The following LNPEP variants were observed in gnomAD, a reference collection of about 807,000 sequenced individuals.
The protein encoded by LNPEP is leucyl-cystinyl aminopeptidase.
Under a neutral mutation model 120.6 loss-of-function variants are expected in LNPEP, and 64 were observed. That is an observed-to-expected ratio of 0.53 (90% CI 0.43 to 0.65). The LOEUF is 0.65. Among genes scored for constraint, LNPEP ranks in the 30% least tolerant of loss-of-function variants. LNPEP has a pLI of 0.00. For missense variants in LNPEP, 1,057 were observed against 1,200.0 expected (o/e 0.88, Z 1.76); for synonymous variants, 435 against 425.4 (o/e 1.02, Z -0.28).
At chr5:96,994,444 A>G (rs1582012763) in intron 6 of LNPEP, among the ~76,000 whole-genome samples, 1 of 150,010 alleles carries the variant, frequency 6.7e-6, no homozygotes, top group African/African-American at 2.5e-5. Context: ...TGACAACTCA[A>G]ACTGTAGCTG....
intron 1 of LNPEP, among the ~76,000 whole-genome samples, chr5:96,945,967 CAGAA>C (rs542823245): frequency 1.5e-3 from 235 of 152,260 alleles, no homozygotes; most frequent in Non-Finnish European, 2.7e-3. Context: ...GCTTTGAAGA[CAGAA>C]AGAATGTAAT....
chr5:96,947,181 TA>T (rs1449138816), intron 1 of LNPEP, among the ~76,000 whole-genome samples: 1 of 152,202 alleles, frequency 6.6e-6, no homozygotes, highest in Admixed American at 6.5e-5. Context: ...TAAATTACTT[TA>T]TATTGCTAAA....
At chr5:96,980,103 ATAG>A in intron 2 of LNPEP, 125 bp downstream of exon 2, 1 of 845,092 alleles carries the variant, frequency 1.2e-6, no homozygotes, top group South Asian at 1.9e-5. Flanking sequence ...TATATACAAA[ATAG>A]TAGAATGGTG....
At chr5:96,939,854 A>G (rs1011464375) in intron 1 of LNPEP, among the ~76,000 whole-genome samples, 2 of 152,120 alleles carry the variant, frequency 1.3e-5, no homozygotes, top group Admixed American at 6.5e-5. Context: ...CAATTGTTCT[A>G]TAGATATGTG....
intron 1 of LNPEP, among the ~76,000 whole-genome samples, chr5:96,954,723 CATATATATATACATATATATATACACAT>C (rs1561430097): frequency 2.3e-5 from 2 of 85,508 alleles, no homozygotes; most frequent in East Asian, 6.4e-4. Flanking sequence ...CATATATATA[CATATATATATACATATATATATACACAT>C]ATATATATAT....
At chr5:96,957,268 C>T (rs59734450) in intron 1 of LNPEP, among the ~76,000 whole-genome samples, 3 of 152,268 alleles carry the variant, frequency 2.0e-5, no homozygotes, top group East Asian at 3.9e-4. Flanking sequence ...CTGGCGATCA[C>T]CCTGCTCAGG....
chr5:96,990,532 T>A (rs1254622818), intron 4 of LNPEP, among the ~76,000 whole-genome samples: 1 of 152,196 alleles, frequency 6.6e-6, no homozygotes, highest in Non-Finnish European at 1.5e-5. Context: ...AGTCTATTTG[T>A]AATAACAATA....
rs1278954425 is a variant in LNPEP, at chr5:97,034,943, C to G, written c.*6410C>G. Reference sequence around the variant, plus strand: ...GTGTATATGTGTGTGTATATACACACAAGAACACACATATTTATATACTAT... The same window carrying G: ...GTGTATATGTGTGTGTATATACACAGAAGAACACACATATTTATATACTAT... On this transcript the variant is annotated 3_prime_UTR_variant, in exon 18 of 18. Transcript: ENST00000231368. 1 of 151,804 alleles carries G rather than the reference C, an allele frequency of 6.6e-6. No homozygotes were observed. Among genetic ancestry groups the G allele is most frequent in the Non-Finnish European group, 1.5e-5 (1 of 67,932 alleles). The allele number at this position is 151,804 out of a possible 1,614,324, so 9.4% of individuals were successfully genotyped here. A position where few individuals can be genotyped will look rare whatever the true frequency, so the allele number is the denominator to read the frequency against.
intron 8 of LNPEP, among the ~76,000 whole-genome samples, chr5:97,000,740 T>C (rs1047896445): frequency 2.0e-5 from 3 of 152,236 alleles, no homozygotes; most frequent in Non-Finnish European, 2.9e-5. Context: ...ATCTTTTTTC[T>C]TAGCTGATTT....
At chr5:96,973,298 C>G (rs1789912625) in intron 1 of LNPEP, among the ~76,000 whole-genome samples, 1 of 151,566 alleles carries the variant, frequency 6.6e-6, no homozygotes, top group South Asian at 2.1e-4. Context: ...TTTTTTTGTT[C>G]TAAATTCTAG....
chr5:97,007,885 C>T (rs771677203), intron 11 of LNPEP, among the ~76,000 whole-genome samples: 1 of 152,032 alleles, frequency 6.6e-6, no homozygotes, highest in Non-Finnish European at 1.5e-5. Context: ...ACCAAATCGC[C>T]CTTTTTATTG....
intron 1 of LNPEP, among the ~76,000 whole-genome samples, chr5:96,940,197 G>A (rs754218705): frequency 2.0e-5 from 3 of 152,086 alleles, no homozygotes; most frequent in African/African-American, 7.2e-5. Context: ...TTACTTGCCA[G>A]TTTCCAAAAA....
rs1011404152 is a variant in LNPEP at position 97,033,044 on chromosome 5, T to C, written c.*4511T>C. ...TTTTCCTTACTGCCTATTTAGGCAATAGCTAATAGAGTAGTTTGTTTTGTT... is the reference window on the plus strand; with the variant it reads ...TTTTCCTTACTGCCTATTTAGGCAACAGCTAATAGAGTAGTTTGTTTTGTT... On this transcript the variant is annotated 3_prime_UTR_variant, in exon 18 of 18. Transcript: ENST00000231368. 6.6e-6 allele frequency: 1 copy of C among 152,256 alleles called. No homozygotes were observed. The highest frequency in any genetic ancestry group is 6.5e-5 in the Admixed American group (1 of 15,284). 9.4% of individuals were successfully genotyped at this position (152,256 alleles called of 1,614,324 possible).
At position 97,006,068 on chromosome 5, in the gene LNPEP, TG is replaced by T; in HGVS notation, c.1786-4del. Reference sequence around the variant, plus strand: ...GTTTTATATATATATATATATATTTTGTAGGTCACAAACCAAACACTAGATG... The same window carrying T: ...GTTTTATATATATATATATATATTTTTAGGTCACAAACCAAACACTAGATG... On this transcript the variant is annotated splice_polypyrimidine_tract_variant and splice_region_variant and intron_variant, in intron 9 of 17. Transcript: ENST00000231368. The T allele has an allele frequency of 8.1e-7, 1 of 1,238,654 alleles. No individual in the cohort carries two copies. Among genetic ancestry groups the T allele is most frequent in the Non-Finnish European group, 1.1e-6 (1 of 926,242 alleles). The allele number at this position is 1,238,654 out of a possible 1,614,324, so 76.7% of individuals were successfully genotyped here.
intron 3 of LNPEP, among the ~76,000 whole-genome samples, chr5:96,985,824 T>C (rs1790229910): frequency 6.6e-6 from 1 of 150,618 alleles, no homozygotes; most frequent in Non-Finnish European, 1.5e-5. Context: ...CCTGGACCCA[T>C]GTGGCTAAGG....
At chr5:96,982,833 T>C (rs1790156453) in intron 2 of LNPEP, among the ~76,000 whole-genome samples, 1 of 152,190 alleles carries the variant, frequency 6.6e-6, no homozygotes, top group South Asian at 2.1e-4. Context: ...ACACAAATTT[T>C]AAGTGTGGAA....
In LNPEP at chr5:97,037,499, GTATT is replaced by G. The variant is rs1791590092; in HGVS notation, c.*8969_*8972del. On this transcript the variant is annotated 3_prime_UTR_variant, in exon 18 of 18. Coordinates refer to ENST00000231368, the MANE Select transcript of LNPEP (RefSeq NM_005575.3). ...CTTTTTTTGTGAAATGAAAATAAAA[GTATT>G]TAAATACAAACATTGTGTGGACTCT... 1.3e-5 allele frequency: 2 copies of G among 152,106 alleles called. No homozygotes were observed. The highest frequency in any genetic ancestry group is 1.3e-4 in the Admixed American group (2 of 15,258). 9.4% of individuals were successfully genotyped at this position (152,106 alleles called of 1,614,324 possible).
intron 1 of LNPEP, among the ~76,000 whole-genome samples, chr5:96,966,701 G>T (rs1485487916): frequency 6.6e-6 from 1 of 151,954 alleles, no homozygotes; most frequent in Admixed American, 6.6e-5. Flanking sequence ...AGATAAGTGG[G>T]TCACAACACT....
At chr5:97,013,461 A>T (rs1011612648) in intron 11 of LNPEP, among the ~76,000 whole-genome samples, 187 bp from the exon 12 acceptor site, 45 of 152,336 alleles carry the variant, frequency 3.0e-4, no homozygotes, top group African/African-American at 1.1e-3. Context: ...TGCACAGTAA[A>T]TAAATAATTG....
Sources: allele counts gnomAD v4.1 joint callset (sites outside exome capture counted in the v4.1 genomes callset), GRCh38; gene constraint gnomAD v4.1.1; transcripts MANE v1.5; gene names NCBI Gene and HGNC (gene_info 2026-07-23, HGNC 2026-07-21).